THSD7B: variants seen among roughly 807,000 people sequenced by gnomAD.
THSD7B encodes the protein thrombospondin type 1 domain containing 7B.
THSD7B carries 138 observed loss-of-function variants against 213.6 expected under a neutral mutation model. The observed-to-expected ratio is 0.65, with a 90% CI of 0.56 to 0.74. The LOEUF (loss-of-function observed/expected upper bound fraction) is 0.74, where lower values mean the gene tolerates loss of function less well. Among genes scored for constraint, THSD7B ranks in the 30% least tolerant of loss-of-function variants. The pLI, the probability that THSD7B is intolerant of heterozygous loss-of-function variation, is 0.00. For synonymous variants in THSD7B, 742 were observed against 687.0 expected (o/e 1.08, Z -1.25); for missense variants, 1,931 against 1,991.5 (o/e 0.97, Z 0.58).
chr2:136,790,757 G>C (rs145011401), intron 1 of THSD7B, among the ~76,000 whole-genome samples: 2 of 152,154 alleles, frequency 1.3e-5, no homozygotes, highest in East Asian at 1.9e-4. Flanking sequence ...TCAACAAAAA[G>C]AGCAAATAAA....
intron 15 of THSD7B, among the ~76,000 whole-genome samples, chr2:137,465,428 C>T (rs1340942010): frequency 6.6e-6 from 1 of 152,018 alleles, no homozygotes; most frequent in East Asian, 1.9e-4. Context: ...TCTTCCTGGA[C>T]CAATTAAATC....
At chr2:137,608,493 A>G (rs978405476) in intron 17 of THSD7B, among the ~76,000 whole-genome samples, 5 of 152,154 alleles carry the variant, frequency 3.3e-5, no homozygotes, top group Non-Finnish European at 7.4e-5. Flanking sequence ...TATCTACTAT[A>G]AACTTGTTAT....
chr2:137,023,745 G>A lies in THSD7B; in HGVS notation c.140-32675G>A, dbSNP rs576215819. On this transcript the variant is annotated intron_variant, in intron 2 of 27. Transcript: ENST00000409968. ...CAGTCCTGTCAGTAAATCGTCAGGA[G>A]CATGGGAGATGTGATGGCAGTGATG... 1.2e-4 allele frequency among the ~76,000 whole-genome samples: 18 copies of A among 152,274 alleles called. No individual in the cohort carries two copies. In the South Asian group the frequency reaches 2.7e-3, roughly 23 times the overall value.
intron 1 of THSD7B, among the ~76,000 whole-genome samples, chr2:136,780,638 A>G (rs1044435490): frequency 1.3e-5 from 2 of 152,158 alleles, no homozygotes; most frequent in Admixed American, 6.5e-5. Flanking sequence ...CCCTCCCTAA[A>G]TTATTCTATA....
chr2:136,938,219 C>G (rs1032357188), intron 2 of THSD7B, among the ~76,000 whole-genome samples: 2 of 152,112 alleles, frequency 1.3e-5, no homozygotes, highest in Admixed American at 1.3e-4. Context: ...CCTTTCTAAA[C>G]AGCAGATTGT....
intron 15 of THSD7B, among the ~76,000 whole-genome samples, chr2:137,469,969 TG>T (rs1688061568): frequency 6.6e-6 from 1 of 152,222 alleles, no homozygotes; most frequent in Non-Finnish European, 1.5e-5. Flanking sequence ...TGGTTAGATT[TG>T]GGGGAAAACA....
At chr2:137,668,884 C>T (rs1232959902) in intron 27 of THSD7B, among the ~76,000 whole-genome samples, 2 of 152,104 alleles carry the variant, frequency 1.3e-5, no homozygotes, top group African/African-American at 4.8e-5. Flanking sequence ...CATCTTCATA[C>T]TGACTAGGCT....
chr2:137,470,910 C>CTTT (rs70978226), intron 15 of THSD7B, among the ~76,000 whole-genome samples: 10 of 119,798 alleles, frequency 8.3e-5, no homozygotes, highest in African/African-American at 1.6e-4. Flanking sequence ...TTTTTCTTTA[C>CTTT]TTTTTTTTTT....
intron 5 of THSD7B, among the ~76,000 whole-genome samples, chr2:137,130,288 C>G (rs1038907820): frequency 6.6e-6 from 1 of 152,022 alleles, no homozygotes; most frequent in Non-Finnish European, 1.5e-5. Flanking sequence ...TATATGTAGC[C>G]CTACCCCATT....
rs570958729 is a variant in THSD7B at position 137,357,056 on chromosome 2, A to G, written c.2501-48557A>G. 2.0e-5 allele frequency among the ~76,000 whole-genome samples: 3 copies of G among 151,822 alleles called. No homozygotes were observed. The East Asian group carries it at 5.8e-4, about 29-fold the overall frequency. On this transcript the variant is annotated intron_variant, in intron 12 of 27. Coordinates refer to ENST00000409968, the MANE Select transcript of THSD7B (RefSeq NM_001316349.2). The stretch of plus-strand genomic sequence containing the variant: ...GTTATGCTTGGCTTGGAAATGTATT[A>G]TGTGATCATAGGAAGTATATTTTCT...
At chr2:137,279,396 A>G (rs746553351) in intron 12 of THSD7B, among the ~76,000 whole-genome samples, 5 of 151,954 alleles carry the variant, frequency 3.3e-5, no homozygotes, top group Admixed American at 6.6e-5. Flanking sequence ...TTAAAAAAAG[A>G]GCCAGACATG....
intron 2 of THSD7B, among the ~76,000 whole-genome samples, chr2:137,017,695 A>G (rs1686368383): frequency 6.6e-6 from 1 of 152,164 alleles, no homozygotes; most frequent in Admixed American, 6.5e-5. Flanking sequence ...TACAGGCTTC[A>G]TTAGTCCCTC....
At chr2:136,950,467 T>A (rs568307764) in intron 2 of THSD7B, among the ~76,000 whole-genome samples, 4 of 152,212 alleles carry the variant, frequency 2.6e-5, no homozygotes, top group South Asian at 2.1e-4. Flanking sequence ...GATGGTAATA[T>A]TCTGCCAAAG....
chr2:136,993,890 G>A (rs1373863402), intron 2 of THSD7B, among the ~76,000 whole-genome samples: 1 of 152,196 alleles, frequency 6.6e-6, no homozygotes, highest in Non-Finnish European at 1.5e-5. Context: ...ATCACCTGAT[G>A]TGCTCATGAT....
At chr2:137,395,682 T>G (rs1420135832) in intron 12 of THSD7B, among the ~76,000 whole-genome samples, 1 of 152,222 alleles carries the variant, frequency 6.6e-6, no homozygotes, top group Non-Finnish European at 1.5e-5. Context: ...CCTCATACAA[T>G]GAGTTAGGGA....
intron 12 of THSD7B, among the ~76,000 whole-genome samples, chr2:137,311,954 G>C (rs1683921190): frequency 6.9e-6 from 1 of 144,576 alleles, no homozygotes; most frequent in Non-Finnish European, 1.5e-5. Context: ...CAAGGATATT[G>C]GTCTAAAATT....
intron 15 of THSD7B, among the ~76,000 whole-genome samples, chr2:137,517,136 G>A (rs1331697229): frequency 6.6e-6 from 1 of 152,206 alleles, no homozygotes; most frequent in Non-Finnish European, 1.5e-5. Context: ...TGTCCATAAG[G>A]CCAACCAGAA....
chr2:136,963,329 A>C (rs1312941482), intron 2 of THSD7B, among the ~76,000 whole-genome samples: 1 of 152,140 alleles, frequency 6.6e-6, no homozygotes, highest in African/African-American at 2.4e-5. Flanking sequence ...AGAAATGAAA[A>C]AGAATATAGG....
chr2:136,766,124 C>A (rs927105066), intron 1 of THSD7B, among the ~76,000 whole-genome samples: 6 of 152,206 alleles, frequency 3.9e-5, no homozygotes, highest in African/African-American at 1.4e-4. Flanking sequence ...AATCGAAAGG[C>A]CGGGAGTTGT....
Sources: allele counts gnomAD v4.1 joint callset (sites outside exome capture counted in the v4.1 genomes callset), GRCh38; gene constraint gnomAD v4.1.1; transcripts MANE v1.5; gene names NCBI Gene and HGNC (gene_info 2026-07-23, HGNC 2026-07-21).